ZZEF1: variants seen among roughly 807,000 people sequenced by gnomAD.
The protein encoded by ZZEF1 is zinc finger ZZ-type and EF-hand domain-containing protein 1.
In ZZEF1, 157 loss-of-function variants were observed where a neutral mutation model predicts 342.8. The observed-to-expected ratio is 0.46, with a 90% confidence interval of 0.40 to 0.52. The LOEUF (loss-of-function observed/expected upper bound fraction) is 0.52. Among genes scored for constraint, ZZEF1 ranks in the 20% least tolerant of loss-of-function variants. The probability of loss-of-function intolerance (pLI) is 0.00; values close to 1 mark genes in which losing one functional copy is unlikely to be tolerated. For missense variants in ZZEF1, 3,480 were observed against 3,725.6 expected (o/e 0.93, Z 1.72); for synonymous variants, 1,505 against 1,429.1 (o/e 1.05, Z -1.20).
At position 4,033,571 on chromosome 17, in the gene ZZEF1, G is replaced by A. The variant is rs566343245; in HGVS notation, c.6584+444C>T. On this transcript the variant is annotated intron_variant, in intron 40 of 54. Coordinates refer to ENST00000381638, the MANE Select transcript of ZZEF1 (RefSeq NM_015113.4). ...TCACTATGTTGGCCAGGCTGGTCTC[G>A]AACTCCTGACCTCGTGATCCACCAG... 2.3e-4 allele frequency: 40 copies of A among 172,870 alleles called. 1 individual carries two copies. The highest frequency in any genetic ancestry group is 7.6e-4 in the East Asian group (5 of 6,612). 10.7% of individuals were successfully genotyped at this position (172,870 alleles called of 1,614,324 possible). A position where few individuals can be genotyped will look rare whatever the true frequency, so the allele number is the denominator to read the frequency against.
At chr17:4,057,776 G>C (rs567163881) in intron 32 of ZZEF1, among the ~76,000 whole-genome samples, 1 of 152,212 alleles carries the variant, frequency 6.6e-6, no homozygotes, top group East Asian at 1.9e-4. Flanking sequence ...AACAAGCCTC[G>C]GAGGCAGCAC....
intron 18 of ZZEF1, among the ~76,000 whole-genome samples, chr17:4,080,426 G>A (rs968472382): frequency 2.6e-5 from 4 of 152,082 alleles, no homozygotes; most frequent in Non-Finnish European, 5.9e-5. Flanking sequence ...TACAACCTCC[G>A]CCTCCCAGGT....
chr17:4,064,410 G>C lies in ZZEF1; in HGVS notation c.4669C>G (p.Leu1557Val). The C allele has an allele frequency of 6.2e-7, 1 of 1,611,962 alleles. No individual in the cohort carries two copies. The highest frequency in any genetic ancestry group is 8.5e-7 in the Non-Finnish European group (1 of 1,178,210). The change falls in exon 29 of 55, where the codon CTG (leucine) becomes GTG (valine). Residue 1557 changes from leucine to valine, a missense_variant. Physicochemically the swap from Leu to Val is conservative, Grantham distance 32. Coordinates refer to ENST00000381638, the MANE Select transcript of ZZEF1 (RefSeq NM_015113.4). The stretch of plus-strand genomic sequence containing the variant: ...TTAATGAAGTCCATGACGTCCTTCA[G>C]CACAGGGTATTTCTCTTTCACTGTG... The part of the protein sequence containing the change: ...VPTVKEKYPV[L>V]KDVMDFIKDQ...
At chr17:4,064,066 G>GT (rs1359076093) in intron 29 of ZZEF1, among the ~76,000 whole-genome samples, 2 of 150,986 alleles carry the variant, frequency 1.3e-5, no homozygotes, top group African/African-American at 2.4e-5. Flanking sequence ...TAGATGGAGG[G>GT]GGGGGGGTCT....
chr17:4,036,424 T>C (rs527536497), intron 39 of ZZEF1, among the ~76,000 whole-genome samples: 16 of 152,148 alleles, frequency 1.1e-4, no homozygotes, highest in Admixed American at 1.3e-4. Flanking sequence ...CCATATTGGA[T>C]ACCTTCAGTT....
Position 4,074,331 on chromosome 17 carries a change from A to G in ZZEF1, c.3504T>C (p.Gly1168=). 1 of 1,614,174 alleles carries G rather than the reference A, an allele frequency of 6.2e-7. No homozygotes were observed. The highest frequency in any genetic ancestry group is 1.6e-4 in the Middle Eastern group (1 of 6,062). The part of the protein sequence containing the change: ...KWPKKVTFKA[G]PRLQFLFHSD... ...AGTGAAAGAGGAACTGCAACCGAGG[A>G]CCGGCCTTGAAGGTCACTTTCTAGA... The change falls in exon 24 of 55, where the codon GGT becomes GGC. Residue 1168 remains glycine, a synonymous_variant. Coordinates refer to ENST00000381638, the MANE Select transcript of ZZEF1 (RefSeq NM_015113.4).
chr17:4,025,259 A>G (rs760160303), intron 42 of ZZEF1, 141 bp from the exon 43 acceptor site: 21 of 789,710 alleles, frequency 2.7e-5, no homozygotes, highest in Admixed American at 7.9e-5. Context: ...CTTAGCCAAT[A>G]AAGCCAGCTT....
Position 4,109,879 on chromosome 17 carries a change from A to G in ZZEF1, c.1067-16T>C. 1 of 1,613,772 alleles carries G rather than the reference A, an allele frequency of 6.2e-7. No homozygotes were observed. The highest frequency in any genetic ancestry group is 8.5e-7 in the Non-Finnish European group (1 of 1,179,848). The stretch of plus-strand genomic sequence containing the variant: ...ATCTGGACATCTGTCGAGCACAAAC[A>G]AAAAATTCAGTATTGGATTAACTTC... On this transcript the variant is annotated splice_polypyrimidine_tract_variant and intron_variant, in intron 5 of 54. Transcript: ENST00000381638.
At chr17:4,020,246 T>G (rs1309393590) in intron 45 of ZZEF1, among the ~76,000 whole-genome samples, 1 of 152,236 alleles carries the variant, frequency 6.6e-6, no homozygotes, top group African/African-American at 2.4e-5. Flanking sequence ...AAGAGGAGTT[T>G]TAACCTGCAC....
intron 40 of ZZEF1, chr17:4,033,788 C>A (rs1326320447): frequency 5.2e-6 from 3 of 582,426 alleles, no homozygotes; most frequent in Admixed American, 3.1e-5. Context: ...AGAGTTGAAT[C>A]AGCAGCCAGT....
intron 13 of ZZEF1, 115 bp from the exon 14 acceptor site, chr17:4,087,649 A>T: frequency 1.2e-6 from 1 of 864,296 alleles, no homozygotes; most frequent in South Asian, 1.9e-5. Context: ...CATGAGTGAG[A>T]CTTTCATATT....
chr17:4,081,946 G>C (rs763274261), intron 17 of ZZEF1, among the ~76,000 whole-genome samples: 5 of 152,198 alleles, frequency 3.3e-5, no homozygotes, highest in Non-Finnish European at 5.9e-5. Context: ...CTGACTTGCA[G>C]GCAGTCGCTA....
chr17:4,093,451 A>G (rs1034553918), intron 11 of ZZEF1, among the ~76,000 whole-genome samples: 3 of 152,360 alleles, frequency 2.0e-5, no homozygotes, highest in African/African-American at 7.2e-5. Context: ...GTTTTCCATC[A>G]ACGGTATTGT....
At position 4,074,182 on chromosome 17, in the gene ZZEF1, G is replaced by A. The variant is rs2057563804; in HGVS notation, c.3653C>T (p.Ala1218Val). The change falls in exon 24 of 55, where the codon GCT becomes GTT. Residue 1218 changes from alanine to valine, a missense_variant. By Grantham distance (64) the Ala-to-Val change is moderately conservative. Coordinates refer to ENST00000381638, the MANE Select transcript of ZZEF1 (RefSeq NM_015113.4). ...LLVSRLMGRL[A>V]SQCMALKSVR... ...AGACTTGAGCGCCATGCACTGGGAA[G>A]CCAGGCGTCCCATCAGCCGGGAGAC... 1.9e-6 allele frequency: 3 copies of A among 1,614,018 alleles called. No individual in the cohort carries two copies. The highest frequency in any genetic ancestry group is 2.5e-6 in the Non-Finnish European group (3 of 1,179,942).
intron 53 of ZZEF1, 131 bp from the exon 54 acceptor site, chr17:4,009,085 C>T: frequency 8.9e-7 from 1 of 1,125,070 alleles, no homozygotes; most frequent in Non-Finnish European, 1.3e-6. Flanking sequence ...CCGCCCAGCA[C>T]CGCGTGGCAC....
At chr17:4,061,550 A>G (rs999374715) in intron 30 of ZZEF1, among the ~76,000 whole-genome samples, 6 of 152,140 alleles carry the variant, frequency 3.9e-5, no homozygotes, top group Admixed American at 2.0e-4. Flanking sequence ...TGTTTTCTCA[A>G]TATCTTTACT....
chr17:4,062,110 C>T lies in ZZEF1; in HGVS notation c.4883+643G>A, dbSNP rs545388747. On this transcript the variant is annotated intron_variant, in intron 30 of 54. Coordinates refer to ENST00000381638, the MANE Select transcript of ZZEF1 (RefSeq NM_015113.4). ...TTTCGCTCTGTTCCTTGGACTAACT[C>T]CCCCCCTGGAGCCTCTGCACTGTTC... Among the ~76,000 whole-genome samples the T allele has an allele frequency of 2.0e-5, 3 of 151,998 alleles. 1 individual carries two copies. Among genetic ancestry groups the T allele is most frequent in the Admixed American group, 1.3e-4 (2 of 15,240 alleles).
At chr17:4,060,146 G>A (rs2057253251) in intron 30 of ZZEF1, among the ~76,000 whole-genome samples, 1 of 152,162 alleles carries the variant, frequency 6.6e-6, no homozygotes, top group South Asian at 2.1e-4. Flanking sequence ...TGAATGTCAT[G>A]GAGGAAACAC....
chr17:4,095,571 CA>C lies in ZZEF1; in HGVS notation c.1913+259del, dbSNP rs371230724. On this transcript the variant is annotated intron_variant, in intron 11 of 54. Coordinates refer to ENST00000381638, the MANE Select transcript of ZZEF1 (RefSeq NM_015113.4). ...GTCCACAATTCAGGCATAGATAGAT[CA>C]TTACCCAGCCATTGTGAAGATGTGT... Among the ~76,000 whole-genome samples, 33 of 152,294 alleles carry C rather than the reference CA, an allele frequency of 2.2e-4. 1 individual carries two copies. The East Asian group carries it at 4.1e-3, about 19-fold the overall frequency.
Sources: gnomAD v4.1 joint callset for allele counts (sites outside exome capture counted in the v4.1 genomes callset) on GRCh38, gnomAD v4.1.1 for gene constraint, MANE v1.5 for transcripts, NCBI Gene and HGNC (gene_info 2026-07-23, HGNC 2026-07-21) for gene names.